UBE2K: variants seen among roughly 807,000 people sequenced by gnomAD.
The protein encoded by UBE2K is ubiquitin conjugating enzyme E2 K, also known as ubiquitin-conjugating enzyme E2 K.
Under a neutral mutation model 30.0 loss-of-function variants are expected in UBE2K, and 6 were observed. The ratio of observed to expected loss-of-function variants is 0.20; its 90% CI spans 0.11 to 0.39. The LOEUF (loss-of-function observed/expected upper bound fraction) is 0.39, where lower values mean the gene tolerates loss of function less well. Among genes scored for constraint, UBE2K ranks in the 10% least tolerant of loss-of-function variants. UBE2K has a pLI of 1.00. For missense variants in UBE2K, 61 were observed against 241.6 expected, an observed-to-expected ratio of 0.25 and a Z score of 4.96; for synonymous variants, 86 against 83.7, an observed-to-expected ratio of 1.03 and a Z score of -0.15.
In UBE2K at chr4:39,698,156, C is replaced by G. The variant is rs1046137230; in HGVS notation, c.-172C>G. 1.5e-6 allele frequency: 1 copy of G among 678,602 alleles called. No homozygotes were observed. Among genetic ancestry groups the G allele is most frequent in the East Asian group, 2.7e-5 (1 of 36,542 alleles). 42.0% of individuals were successfully genotyped at this position (678,602 alleles called of 1,614,324 possible). On this transcript the variant is annotated 5_prime_UTR_variant, in exon 1 of 7. Transcript: ENST00000261427. ...CCGGCGCCATTTTGGTGGCCGGGCG[C>G]GGAGGTGATTCCACACTGAGGCGAG...
intron 6 of UBE2K, among the ~76,000 whole-genome samples, chr4:39,778,097 CAAAAAAAAAA>C (rs36215155): frequency 5.8e-5 from 3 of 51,736 alleles, no homozygotes; most frequent in South Asian, 1.0e-3. Context: ...GACCCTGTCT[CAAAAAAAAAA>C]AAAAAAAAAA....
chr4:39,755,805 T>C, intron 4 of UBE2K, 66 bp downstream of exon 4: 3 of 1,184,458 alleles, frequency 2.5e-6, no homozygotes, highest in Non-Finnish European at 3.6e-6. Context: ...GAGTGTTAAA[T>C]GTGTAATTGC....
rs1267882281 is a variant in UBE2K at position 39,737,423 on chromosome 4, A to G, written c.67A>G (p.Ser23Gly). Residue 23 changes from serine (S) to glycine (G), a missense_variant, in exon 2 of 7, where the codon AGC becomes GGC. Ser to Gly is a moderately conservative substitution (Grantham distance 56, BLOSUM62 0). Transcript: ENST00000261427. Reference protein sequence around the residue: ...FKEVLKSEETSKNQIKVDLVD... With the variant: ...FKEVLKSEETGKNQIKVDLVD... ...TTATTTTCTGTTTATTTTTAAGACG[A>G]GCAAAAATCAAATTAAAGTAGATCT... 1 of 1,539,218 alleles carries G rather than the reference A, an allele frequency of 6.5e-7. No individual in the cohort carries two copies. The highest frequency in any genetic ancestry group is 8.7e-7 in the Non-Finnish European group (1 of 1,149,356).
chr4:39,739,149 T>C (rs1364293610), intron 2 of UBE2K, among the ~76,000 whole-genome samples: 2 of 151,984 alleles, frequency 1.3e-5, no homozygotes, highest in African/African-American at 4.8e-5. Context: ...TGCCTCAGCC[T>C]TCCGAGCAGC....
At chr4:39,749,713 C>T (rs1721157645) in intron 3 of UBE2K, among the ~76,000 whole-genome samples, 1 of 151,810 alleles carries the variant, frequency 6.6e-6, no homozygotes, top group African/African-American at 2.4e-5. Context: ...GAATTTTGCT[C>T]TTTTTCTTTG....
intron 1 of UBE2K, among the ~76,000 whole-genome samples, chr4:39,702,746 T>G (rs1385218839): frequency 1.3e-5 from 2 of 152,196 alleles, no homozygotes; most frequent in African/African-American, 4.8e-5. Context: ...GTTGTAAATC[T>G]CTAAAAGTAA....
chr4:39,717,068 G>A (rs1719109745), intron 1 of UBE2K, among the ~76,000 whole-genome samples: 1 of 150,776 alleles, frequency 6.6e-6, no homozygotes, highest in South Asian at 2.1e-4. Context: ...TCTGGATGCT[G>A]AGGCGAGAGG....
At chr4:39,751,836 G>A (rs1029852200) in intron 3 of UBE2K, among the ~76,000 whole-genome samples, 3 of 151,942 alleles carry the variant, frequency 2.0e-5, no homozygotes, top group Non-Finnish European at 2.9e-5. Context: ...GTGTGGTGGC[G>A]CACACACGTA....
At chr4:39,700,786 A>G (rs1717964274) in intron 1 of UBE2K, among the ~76,000 whole-genome samples, 1 of 152,192 alleles carries the variant, frequency 6.6e-6, no homozygotes, top group African/African-American at 2.4e-5. Flanking sequence ...GGGTGGCCTT[A>G]TAAGAGCCTT....
At chr4:39,759,702 A>G (rs781002989) in intron 4 of UBE2K, among the ~76,000 whole-genome samples, 1 of 152,232 alleles carries the variant, frequency 6.6e-6, no homozygotes, top group Non-Finnish European at 1.5e-5. Context: ...ATGGCAACAC[A>G]TAAAAATTTC....
At chr4:39,769,883 G>C (rs1712646382) in intron 4 of UBE2K, among the ~76,000 whole-genome samples, 1 of 152,020 alleles carries the variant, frequency 6.6e-6, no homozygotes, top group Non-Finnish European at 1.5e-5. Context: ...CCCCGCTCCA[G>C]CTTCTTGCAC....
intron 3 of UBE2K, 69 bp downstream of exon 3, chr4:39,745,879 A>G (rs1462123115): frequency 1.6e-6 from 2 of 1,222,172 alleles, no homozygotes; most frequent in African/African-American, 3.2e-5. Context: ...TTTTATTAAT[A>G]TATATTTTAG....
chr4:39,729,720 T>C (rs978240901), intron 1 of UBE2K, among the ~76,000 whole-genome samples: 10 of 152,210 alleles, frequency 6.6e-5, no homozygotes, highest in Admixed American at 6.5e-4. Context: ...CCCTGAATAA[T>C]CTGGCTTTTG....
intron 2 of UBE2K, among the ~76,000 whole-genome samples, chr4:39,739,049 A>T (rs577971799): frequency 2.9e-4 from 43 of 146,476 alleles, no homozygotes; most frequent in African/African-American, 1.0e-3. Flanking sequence ...TTTTTTTGAG[A>T]TGGAGTCTCG....
chr4:39,773,196 G>A (rs957447805), intron 4 of UBE2K, among the ~76,000 whole-genome samples: 19 of 151,996 alleles, frequency 1.3e-4, no homozygotes, highest in African/African-American at 3.6e-4. Flanking sequence ...ATGGCCGGGC[G>A]CGGTGGCTCA....
chr4:39,721,022 C>T (rs1177855080), intron 1 of UBE2K, among the ~76,000 whole-genome samples: 1 of 152,110 alleles, frequency 6.6e-6, no homozygotes, highest in African/African-American at 2.4e-5. Flanking sequence ...GCTGAGATTA[C>T]AGGCCTGAGC....
At chr4:39,724,537 A>C (rs193086696) in intron 1 of UBE2K, among the ~76,000 whole-genome samples, 46 of 141,094 alleles carry the variant, frequency 3.3e-4, no homozygotes, top group Non-Finnish European at 5.7e-4. Flanking sequence ...GCCTGAGTTC[A>C]GGAGTTCAAA....
chr4:39,774,112 C>T (rs965316257), intron 4 of UBE2K, among the ~76,000 whole-genome samples: 1 of 151,726 alleles, frequency 6.6e-6, no homozygotes, highest in Non-Finnish European at 1.5e-5. Context: ...GCCTAGGCAA[C>T]ATGGCAAAAC....
chr4:39,769,680 A>AC (rs1009508945), intron 4 of UBE2K, among the ~76,000 whole-genome samples: 12 of 68,322 alleles, frequency 1.8e-4, no homozygotes, highest in Middle Eastern at 0.01. Flanking sequence ...GTTCCCACCC[A>AC]CCCCCCCACC....
Sources: gnomAD v4.1 joint callset for allele counts (sites outside exome capture counted in the v4.1 genomes callset) on GRCh38, gnomAD v4.1.1 for gene constraint, MANE v1.5 for transcripts, NCBI Gene and HGNC (gene_info 2026-07-23, HGNC 2026-07-21) for gene names.